Variants in FBXL4 observed in about 807,000 individuals in gnomAD.
FBXL4 encodes the protein F-box and leucine rich repeat protein 4.
FBXL4 carries 40 observed loss-of-function variants against 58.9 expected under a neutral mutation model. That is an observed-to-expected ratio of 0.68 (90% CI 0.53 to 0.88). The LOEUF (loss-of-function observed/expected upper bound fraction) is 0.88, where lower values mean the gene tolerates loss of function less well. FBXL4 is among the 40% of genes least tolerant of loss of function. FBXL4 has a pLI of 0.00. For synonymous variants in FBXL4, 263 were observed against 265.5 expected (o/e 0.99, Z 0.09); for missense variants, 676 against 734.4 (o/e 0.92, Z 0.92).
intron 1 of FBXL4, among the ~76,000 whole-genome samples, chr6:98,935,603 C>T (rs1773182809): frequency 6.6e-6 from 1 of 151,144 alleles, no homozygotes; most frequent in East Asian, 1.9e-4. Flanking sequence ...TCCTGGCTAA[C>T]AAGGTGAAAC....
chr6:98,918,986 C>T (rs983758280), intron 4 of FBXL4, among the ~76,000 whole-genome samples: 5 of 151,952 alleles, frequency 3.3e-5, no homozygotes, highest in East Asian at 1.9e-4. Context: ...GTTTATTTCC[C>T]TGGCCCAATG....
At chr6:98,910,856 C>T (rs1772022710) in intron 5 of FBXL4, among the ~76,000 whole-genome samples, 1 of 152,114 alleles carries the variant, frequency 6.6e-6, no homozygotes, top group Non-Finnish European at 1.5e-5. Context: ...CACCGTGCGC[C>T]AGCCGAAGCA....
chr6:98,910,389 C>A (rs952288554), intron 5 of FBXL4, among the ~76,000 whole-genome samples: 3 of 152,180 alleles, frequency 2.0e-5, no homozygotes, highest in African/African-American at 7.2e-5. Flanking sequence ...CACGGTGGCT[C>A]ACGCCCATAA....
chr6:98,920,537 T>C (rs987239365), intron 4 of FBXL4, among the ~76,000 whole-genome samples: 7 of 151,304 alleles, frequency 4.6e-5, no homozygotes, highest in Admixed American at 2.0e-4. Flanking sequence ...ACCTAAAAAG[T>C]AACAAGAAAA....
intron 1 of FBXL4, among the ~76,000 whole-genome samples, chr6:98,935,706 G>A (rs1391645697): frequency 1.3e-5 from 2 of 150,592 alleles, no homozygotes; most frequent in East Asian, 2.0e-4. Flanking sequence ...GGAGAATGGC[G>A]TGAACCCGGG....
At chr6:98,908,084 G>T (rs1373640464) in intron 5 of FBXL4, among the ~76,000 whole-genome samples, 1 of 152,086 alleles carries the variant, frequency 6.6e-6, no homozygotes, top group Non-Finnish European at 1.5e-5. Flanking sequence ...TACACCTGTT[G>T]ATGTGTAAAA....
chr6:98,874,368 C>T lies in FBXL4; in HGVS notation c.1776G>A (p.Val592=). The T allele has an allele frequency of 6.2e-7, 1 of 1,613,298 alleles. No individual in the cohort carries two copies. The highest frequency in any genetic ancestry group is 1.1e-5 in the South Asian group (1 of 91,026). The change falls in exon 10 of 10, where the codon GTG becomes GTA. Residue 592 remains valine, a synonymous_variant. Coordinates refer to ENST00000369244, the MANE Select transcript of FBXL4 (RefSeq NM_001278716.2). ...ESCKDLSLLD[V]SFCSQIDNRA... ...TGTTATCAATCTGCGAACAGAAGGACACATCAAGTAAAGAAAGATCTTTAC... is the reference window on the plus strand; with the variant it reads ...TGTTATCAATCTGCGAACAGAAGGATACATCAAGTAAAGAAAGATCTTTAC...
chr6:98,917,977 T>C (rs1039838449), intron 4 of FBXL4, among the ~76,000 whole-genome samples: 4 of 152,210 alleles, frequency 2.6e-5, no homozygotes, highest in African/African-American at 7.2e-5. Flanking sequence ...AACTGGAACA[T>C]GTAGTTAGAG....
chr6:98,924,484 G>A (rs1772699403), intron 4 of FBXL4, among the ~76,000 whole-genome samples: 1 of 152,170 alleles, frequency 6.6e-6, no homozygotes, highest in South Asian at 2.1e-4. Context: ...ATTAACCCGA[G>A]AGGCAGAGGT....
At chr6:98,902,915 T>C (rs1018933497) in intron 6 of FBXL4, among the ~76,000 whole-genome samples, 29 of 152,144 alleles carry the variant, frequency 1.9e-4, no homozygotes, top group African/African-American at 6.3e-4. Flanking sequence ...TAATAACTGA[T>C]TAAAAGTTTT....
At chr6:98,915,046 T>C (rs1772280623) in intron 5 of FBXL4, among the ~76,000 whole-genome samples, 1 of 152,140 alleles carries the variant, frequency 6.6e-6, no homozygotes, top group Admixed American at 6.5e-5. Flanking sequence ...GAGAGCCAAA[T>C]CATGATTGAA....
chr6:98,940,350 G>A (rs1773388633), intron 1 of FBXL4, among the ~76,000 whole-genome samples: 1 of 152,150 alleles, frequency 6.6e-6, no homozygotes, highest in Admixed American at 6.5e-5. Context: ...TATCAATTCA[G>A]TTGTTGCTAA....
intron 4 of FBXL4, among the ~76,000 whole-genome samples, chr6:98,920,359 C>T (rs1044435057): frequency 4.0e-5 from 6 of 151,660 alleles, no homozygotes; most frequent in South Asian, 2.1e-4. Flanking sequence ...ACTTCTATAT[C>T]GCATAAAGAT....
intron 7 of FBXL4, among the ~76,000 whole-genome samples, chr6:98,893,709 T>G (rs775306434): frequency 7.9e-5 from 12 of 152,236 alleles, no homozygotes; most frequent in Non-Finnish European, 1.3e-4. Context: ...AAAGGGTTAT[T>G]ATGTTTTCAA....
intron 1 of FBXL4, among the ~76,000 whole-genome samples, chr6:98,935,312 T>G (rs1344173528): frequency 6.6e-6 from 1 of 151,926 alleles, no homozygotes. Flanking sequence ...TTTTTGTTTT[T>G]TTTTTTTCTG....
Position 98,905,474 on chromosome 6 carries a change from A to C in FBXL4, c.1055T>G (p.Leu352Ter). 1 of 1,614,076 alleles carries C rather than the reference A, an allele frequency of 6.2e-7. No individual in the cohort carries two copies. The highest frequency in any genetic ancestry group is 8.5e-7 in the Non-Finnish European group (1 of 1,179,954). ...GAAGCCTCTATTGCCAGTCCAAGAT[A>C]AATTAAGCCACTGGACAAGAGTGCA... Reference protein sequence around the residue: ...SRCTLVQWLNLSWTGNRGFIS... With the variant: ...SRCTLVQWLN Residue 352 changes from leucine to a stop codon, truncating the protein, a stop_gained, in exon 6 of 10, where the codon TTA becomes TGA. Coordinates refer to ENST00000369244, the MANE Select transcript of FBXL4 (RefSeq NM_001278716.2). LOFTEE classifies it high-confidence loss of function.
intron 1 of FBXL4, among the ~76,000 whole-genome samples, chr6:98,941,238 A>AG (rs397783929): frequency 6.8e-4 from 104 of 152,210 alleles, no homozygotes; most frequent in African/African-American, 2.4e-3. Context: ...AAAAAAAAAA[A>AG]GAAAGAACCA....
chr6:98,935,795 C>CAAAAAAAAAAAAAAAAAAAAAAAAAAA (rs372124984), intron 1 of FBXL4, among the ~76,000 whole-genome samples: 2 of 117,670 alleles, frequency 1.7e-5, no homozygotes, highest in African/African-American at 3.5e-5. Context: ...GACTCCGTCT[C>CAAAAAAAAAAAAAAAAAAAAAAAAAAA]AAAAAAAAAA....
chr6:98,912,609 C>T (rs1310869992), intron 5 of FBXL4, among the ~76,000 whole-genome samples: 1 of 151,990 alleles, frequency 6.6e-6, no homozygotes, highest in Non-Finnish European at 1.5e-5. Flanking sequence ...TAAAATACTT[C>T]ACGGACAAGC....
Sources: allele counts gnomAD v4.1 joint callset (sites outside exome capture counted in the v4.1 genomes callset), GRCh38; gene constraint gnomAD v4.1.1; transcripts MANE v1.5; gene names NCBI Gene and HGNC (gene_info 2026-07-23, HGNC 2026-07-21).